Variants in VAV2 observed in about 807,000 individuals in gnomAD.
VAV2 encodes the protein guanine nucleotide exchange factor VAV2.
VAV2 carries 67 observed loss-of-function variants against 132.5 expected under a neutral mutation model. That is an observed-to-expected ratio of 0.51 (90% CI 0.42 to 0.62). VAV2 has a LOEUF of 0.62. Ranked by LOEUF, VAV2 falls within the 20% of genes least tolerant of loss-of-function variation. VAV2 has a pLI of 0.00. For missense variants in VAV2, 938 were observed against 1,153.6 expected, an observed-to-expected ratio of 0.81 and a Z score of 2.71; for synonymous variants, 492 against 443.5, an observed-to-expected ratio of 1.11 and a Z score of -1.37.
intron 18 of VAV2, among the ~76,000 whole-genome samples, chr9:133,783,907 G>T (rs1489682834): frequency 7.2e-6 from 1 of 138,842 alleles, no homozygotes; most frequent in African/African-American, 2.7e-5. Context: ...TGGAGACAGG[G>T]TCTCACTCTG....
In VAV2 at chr9:133,883,665, G is replaced by C. The variant is rs2131946837; in HGVS notation, c.322-22233C>G. Among the ~76,000 whole-genome samples the C allele has an allele frequency of 6.6e-6, 1 of 152,326 alleles. No individual in the cohort carries two copies. The highest frequency in any genetic ancestry group is 2.4e-5 in the African/African-American group (1 of 41,574). The stretch of plus-strand genomic sequence containing the variant: ...GCCCTCAGGCACTGGACCTGGGGAG[G>C]CTTCCGGTCACCTGTGCAATGCCAC... On this transcript the variant is annotated intron_variant, in intron 2 of 29. Transcript: ENST00000371850. The surrounding 1 kb of genome is among the most constrained non-coding windows in gnomAD (Gnocchi z 4.2).
In VAV2 at chr9:133,857,408, A is replaced by G. The variant is rs780663189; in HGVS notation, c.380+3966T>C. Reference sequence around the variant, plus strand: ...AATTCATCAGCCTCTGAGAAGTATAATTGGGGCTTTTATGGAAAATCAGCT... The same window carrying G: ...AATTCATCAGCCTCTGAGAAGTATAGTTGGGGCTTTTATGGAAAATCAGCT... On this transcript the variant is annotated intron_variant, in intron 3 of 29. Coordinates refer to ENST00000371850, the MANE Select transcript of VAV2 (RefSeq NM_001134398.2). This position sits in a 1 kb window ranked among gnomAD's most constrained non-coding sequence, Gnocchi z 4.0. 7.2e-5 allele frequency among the ~76,000 whole-genome samples: 11 copies of G among 152,190 alleles called. No homozygotes were observed. Among genetic ancestry groups the G allele is most frequent in the Non-Finnish European group, 1.5e-4 (10 of 68,032 alleles).
chr9:133,964,021 T>TCA (rs1554818966), intron 1 of VAV2, among the ~76,000 whole-genome samples: 2 of 25,374 alleles, frequency 7.9e-5, no homozygotes, highest in Non-Finnish European at 1.8e-4. Context: ...AATTATTCAT[T>TCA]CATATATATA....
In VAV2 at chr9:133,860,172, C is replaced by T. The variant is rs1417395075; in HGVS notation, c.380+1202G>A. Among the ~76,000 whole-genome samples, 4 of 151,694 alleles carry T rather than the reference C, an allele frequency of 2.6e-5. No homozygotes were observed. In the South Asian group the frequency reaches 8.4e-4, roughly 32 times the overall value. On this transcript the variant is annotated intron_variant, in intron 3 of 29. Transcript: ENST00000371850. ...AAAAAATTAGCCGGGCGTGGTGGTG[C>T]GTGCCTGTAATCCCAGCTACTCAGG...
chr9:133,843,150 C>T (rs990340206), intron 3 of VAV2, among the ~76,000 whole-genome samples: 1 of 152,150 alleles, frequency 6.6e-6, no homozygotes, highest in African/African-American at 2.4e-5. Flanking sequence ...CACCCATGGC[C>T]ACACCCGGCT....
At chr9:133,810,644 T>C (rs571405374) in intron 5 of VAV2, among the ~76,000 whole-genome samples, 3 of 152,314 alleles carry the variant, frequency 2.0e-5, no homozygotes, top group Non-Finnish European at 2.9e-5. Flanking sequence ...ATGAGGACAC[T>C]GTGCAGAGCG....
Position 133,950,391 on chromosome 9 carries a change from G to C in VAV2, c.205-11172C>G, listed in dbSNP as rs116210953. ...AGAGGCACCTACTGCATGCTAGGCCGCCGCCCAGCCGTGCGTGTTCAGAGC... is the reference window on the plus strand; with the variant it reads ...AGAGGCACCTACTGCATGCTAGGCCCCCGCCCAGCCGTGCGTGTTCAGAGC... On this transcript the variant is annotated intron_variant, in intron 1 of 29. Coordinates refer to ENST00000371850, the MANE Select transcript of VAV2 (RefSeq NM_001134398.2). Among the ~76,000 whole-genome samples the C allele has an allele frequency of 2.0e-5, 3 of 151,992 alleles. 1 individual carries two copies. Among genetic ancestry groups the C allele is most frequent in the African/African-American group, 7.3e-5 (3 of 41,356 alleles).
At chr9:133,872,242 G>T (rs373926466) in intron 2 of VAV2, among the ~76,000 whole-genome samples, 54 of 152,312 alleles carry the variant, frequency 3.5e-4, no homozygotes, top group African/African-American at 1.2e-3. Flanking sequence ...AAAGGGGCAG[G>T]GGCAGGGGCC....
chr9:133,982,393 C>A (rs182483348), intron 1 of VAV2, among the ~76,000 whole-genome samples: 37 of 151,616 alleles, frequency 2.4e-4, no homozygotes, highest in African/African-American at 9.0e-4. Flanking sequence ...CGGGGCACGG[C>A]CAACCAGGCT....
Position 133,788,980 on chromosome 9 carries a change from C to T in VAV2, c.1274+278G>A, listed in dbSNP as rs1358465414. ...ACCACTCTGGGCCTGTCTTGGGTTC[C>T]TGGAGGCTGAGCATTGGCAGTGAGG... On this transcript the variant is annotated intron_variant, in intron 14 of 29. Coordinates refer to ENST00000371850, the MANE Select transcript of VAV2 (RefSeq NM_001134398.2). This position sits in a 1 kb window ranked among gnomAD's most constrained non-coding sequence, Gnocchi z 5.3. Among the ~76,000 whole-genome samples, 1 of 152,248 alleles carries T rather than the reference C, an allele frequency of 6.6e-6. No homozygotes were observed. The highest frequency in any genetic ancestry group is 2.4e-5 in the African/African-American group (1 of 41,480).
chr9:133,791,804 A>G lies in VAV2; in HGVS notation c.1167T>C (p.Phe389=). 6.2e-7 allele frequency: 1 copy of G among 1,614,142 alleles called. No individual in the cohort carries two copies. The highest frequency in any genetic ancestry group is 8.5e-7 in the Non-Finnish European group (1 of 1,180,012). The change falls in exon 13 of 30, where the codon TTT becomes TTC. Residue 389 remains phenylalanine, a synonymous_variant. Coordinates refer to ENST00000371850, the MANE Select transcript of VAV2 (RefSeq NM_001134398.2). ...DKETLRKISE[F]QSSIENLQVK... is the part of the protein sequence containing the mutation. ...TCACCAAATTTTCTATAGAACTCTGAAATTCGCTGATTTTCCTCAAGGTCT... is the reference window on the plus strand; with the variant it reads ...TCACCAAATTTTCTATAGAACTCTGGAATTCGCTGATTTTCCTCAAGGTCT...
chr9:133,908,342 T>C (rs998995490), intron 2 of VAV2, among the ~76,000 whole-genome samples: 3 of 151,992 alleles, frequency 2.0e-5, no homozygotes, highest in African/African-American at 7.3e-5. Flanking sequence ...TTCCCCAGCA[T>C]TGCCACACCC....
rs199529129 is a variant in VAV2 at position 133,852,874 on chromosome 9, GC to G, written c.380+8499del. Among the ~76,000 whole-genome samples the G allele has an allele frequency of 5.4e-3, 818 of 152,074 alleles. 10 individuals are homozygous for G. Among genetic ancestry groups the G allele is most frequent in the African/African-American group, 0.018 (741 of 41,470 alleles). On this transcript the variant is annotated intron_variant, in intron 3 of 29. Transcript: ENST00000371850. Reference sequence around the variant, plus strand: ...GGCACAGCCCCTGCTGACCCATTGGGCCCCCCCTGCCATTTCTGTGCTACAC... The same window carrying G: ...GGCACAGCCCCTGCTGACCCATTGGGCCCCCCTGCCATTTCTGTGCTACAC...
chr9:133,968,692 G>A (rs1842228109), intron 1 of VAV2, among the ~76,000 whole-genome samples: 1 of 152,190 alleles, frequency 6.6e-6, no homozygotes, highest in Non-Finnish European at 1.5e-5. Flanking sequence ...CCGGGAGAGA[G>A]AGCCACCATC....
chr9:133,808,357 AC>A (rs1835233823), intron 7 of VAV2, among the ~76,000 whole-genome samples: 1 of 152,228 alleles, frequency 6.6e-6, no homozygotes, highest in African/African-American at 2.4e-5. Flanking sequence ...TGGAGGCATC[AC>A]GGCCACCCTG....
chr9:133,768,582 C>T lies in VAV2; in HGVS notation c.2449G>A (p.Val817Ile), dbSNP rs780349466. ...TACCTGGCCACAGCTGTGCCGATGACGCGGGGCGTGAACACTGTTGAGGGA... is the reference window on the plus strand; with the variant it reads ...TACCTGGCCACAGCTGTGCCGATGATGCGGGGCGTGAACACTGTTGAGGGA... Reference protein sequence around the residue: ...APFWSVFTPRVIGTAVARYNF... With the variant: ...APFWSVFTPRIIGTAVARYNF... Residue 817 changes from valine (V) to isoleucine (I), a missense_variant, in exon 29 of 30, where the codon GTC becomes ATC. By Grantham distance (29) the Val-to-Ile change is conservative. Transcript: ENST00000371850. The surrounding 1 kb of genome is among the most constrained non-coding windows in gnomAD (Gnocchi z 5.3). The T allele has an allele frequency of 3.0e-5, 49 of 1,613,702 alleles. No individual in the cohort carries two copies. The highest frequency in any genetic ancestry group is 5.5e-5 in the South Asian group (5 of 91,078).
intron 26 of VAV2, among the ~76,000 whole-genome samples, chr9:133,771,488 T>C (rs943360082): frequency 6.6e-6 from 1 of 152,248 alleles, no homozygotes; most frequent in Admixed American, 6.5e-5. Context: ...AAAGAAAATG[T>C]AGGCATAACT....
chr9:133,915,158 C>T (rs1268137947), intron 2 of VAV2, among the ~76,000 whole-genome samples: 2 of 152,118 alleles, frequency 1.3e-5, no homozygotes, highest in Non-Finnish European at 2.9e-5. Flanking sequence ...CACTTTCTGA[C>T]GCCTTGACTC....
intron 18 of VAV2, 96 bp from the exon 19 acceptor site, chr9:133,783,687 C>T (rs932644828): frequency 6.9e-5 from 76 of 1,101,548 alleles, no homozygotes; most frequent in African/African-American, 5.6e-4. Flanking sequence ...CCAGGCTCAC[C>T]TGGCTGGCTG....
Sources: allele counts gnomAD v4.1 joint callset (sites outside exome capture counted in the v4.1 genomes callset), GRCh38; gene constraint gnomAD v4.1.1; non-coding constraint Gnocchi (gnomAD v3.1); transcripts MANE v1.5; gene names NCBI Gene and HGNC (gene_info 2026-07-23, HGNC 2026-07-21).